The following RHOBTB3 variants were observed in gnomAD, a reference collection of about 807,000 sequenced individuals.
The protein encoded by RHOBTB3 is rho-related BTB domain-containing protein 3.
A neutral mutation model predicts 67.2 loss-of-function variants in RHOBTB3; 47 were observed. The ratio of observed to expected loss-of-function variants is 0.70; its 90% CI spans 0.55 to 0.89. The LOEUF is 0.89. Among genes scored for constraint, RHOBTB3 ranks in the 40% least tolerant of loss-of-function variants. The pLI, the probability that RHOBTB3 is intolerant of heterozygous loss-of-function variation, is 0.00. For missense variants in RHOBTB3, 631 were observed against 750.0 expected, an observed-to-expected ratio of 0.84 and a Z score of 1.85; for synonymous variants, 273 against 274.2, an observed-to-expected ratio of 1.00 and a Z score of 0.04.
chr5:95,773,796 T>C (rs935455594), intron 8 of RHOBTB3, among the ~76,000 whole-genome samples: 1 of 152,166 alleles, frequency 6.6e-6, no homozygotes, highest in African/African-American at 2.4e-5. Flanking sequence ...CTGAATGAAA[T>C]GGAGCGTGTT....
chr5:95,728,787 A>G (rs1022058417), upstream of RHOBTB3, among the ~76,000 whole-genome samples: 3 of 152,196 alleles, frequency 2.0e-5, no homozygotes, highest in Non-Finnish European at 2.9e-5. Flanking sequence ...GGAGGTCAGC[A>G]CAGGATACAG....
intron 8 of RHOBTB3, chr5:95,769,889 C>T: frequency 3.0e-6 from 1 of 332,054 alleles, no homozygotes; most frequent in Non-Finnish European, 5.8e-6. Context: ...CTCTATGAAC[C>T]TTCCTTTTGA....
chr5:95,777,912 T>A (rs959498475), intron 8 of RHOBTB3, among the ~76,000 whole-genome samples: 10 of 151,312 alleles, frequency 6.6e-5, no homozygotes, highest in Non-Finnish European at 1.3e-4. Flanking sequence ...AAGCCAGGAG[T>A]TCAAGACCAG....
At chr5:95,730,926 G>A (rs577061170), upstream of RHOBTB3, 2 of 459,680 alleles carry the variant, frequency 4.4e-6, no homozygotes, top group African/African-American at 2.0e-5. Context: ...GGCCAAGAGG[G>A]GGGGAAATCG....
chr5:95,784,515 G>C, intron 10 of RHOBTB3, among the ~76,000 whole-genome samples: 1 of 152,116 alleles, frequency 6.6e-6, no homozygotes, highest in South Asian at 2.1e-4. Flanking sequence ...AATCACTGCC[G>C]TATGTGTACA....
At position 95,793,589 on chromosome 5, in the gene RHOBTB3, A is replaced by G. The variant is rs776035594; in HGVS notation, c.*415A>G. 2 of 169,666 alleles carry G rather than the reference A, an allele frequency of 1.2e-5. No homozygotes were observed. The allele number at this position is 169,666 out of a possible 1,614,324, so 10.5% of individuals were successfully genotyped here. On this transcript the variant is annotated 3_prime_UTR_variant, in exon 12 of 12. Coordinates refer to ENST00000379982, the MANE Select transcript of RHOBTB3 (RefSeq NM_014899.4). ...AAAGACCCAGCATAACCATTTGTAT[A>G]ATGAGAAATCTAGGGGAAAACCAAT...
chr5:95,753,939 G>A (rs912752246), intron 5 of RHOBTB3, among the ~76,000 whole-genome samples: 3 of 152,092 alleles, frequency 2.0e-5, no homozygotes, highest in African/African-American at 7.2e-5. Flanking sequence ...GTGAAACCCC[G>A]TTTCTACTAA....
At chr5:95,750,323 A>G (rs935832523) in intron 4 of RHOBTB3, among the ~76,000 whole-genome samples, 6 of 152,176 alleles carry the variant, frequency 3.9e-5, no homozygotes, top group Non-Finnish European at 7.3e-5. Context: ...ACAGGGCACA[A>G]GTCAGTGGAG....
At chr5:95,731,154 C>T (rs1755222015), upstream of RHOBTB3, 2 of 1,018,192 alleles carry the variant, frequency 2.0e-6, no homozygotes, top group African/African-American at 3.5e-5. Context: ...CCCGCGCGGG[C>T]GGCTCCTTTG....
chr5:95,777,942 C>T (rs1309542747), intron 8 of RHOBTB3, among the ~76,000 whole-genome samples: 2 of 152,042 alleles, frequency 1.3e-5, no homozygotes, highest in Non-Finnish European at 2.9e-5. Context: ...CACAGCAAAA[C>T]CCTGTCCCTA....
chr5:95,736,507 T>C (rs932417007), intron 2 of RHOBTB3, among the ~76,000 whole-genome samples: 1 of 152,220 alleles, frequency 6.6e-6, no homozygotes, highest in Non-Finnish European at 1.5e-5. Flanking sequence ...AGGAAAACCT[T>C]TGAAGCTTCG....
At chr5:95,758,478 G>A (rs1332925558) in intron 6 of RHOBTB3, among the ~76,000 whole-genome samples, 2 of 152,306 alleles carry the variant, frequency 1.3e-5, no homozygotes, top group Non-Finnish European at 2.9e-5. Flanking sequence ...TGATGAGGTG[G>A]GCAAGGCCTG....
rs753696650 is a variant in RHOBTB3, at chr5:95,731,922, G to T, written c.66G>T (p.Ser22=). Reference sequence around the variant, plus strand: ...CATTCCACCAGGACAACCGGCCGTCGGGGCTTATCCGCACTTACCTGGGGA... The same window carrying T: ...CATTCCACCAGGACAACCGGCCGTCTGGGCTTATCCGCACTTACCTGGGGA... ...GDTFHQDNRP[S]GLIRTYLGRS... is the part of the protein sequence containing the mutation. Residue 22 remains serine (S), a synonymous_variant, in exon 2 of 12, where the codon TCG becomes TCT. Transcript: ENST00000379982. 3 of 1,614,124 alleles carry T rather than the reference G, an allele frequency of 1.9e-6. No individual in the cohort carries two copies. The South Asian group carries it at 3.3e-5, about 18-fold the overall frequency.
At chr5:95,723,044 T>C (rs1214727829) in intron 1 of RHOBTB3, among the ~76,000 whole-genome samples, 2 of 152,162 alleles carry the variant, frequency 1.3e-5, no homozygotes, top group Non-Finnish European at 2.9e-5. Flanking sequence ...CATAGACATT[T>C]TCTGAAAGAG....
chr5:95,734,384 C>A (rs1012016202), intron 2 of RHOBTB3, among the ~76,000 whole-genome samples: 4 of 151,996 alleles, frequency 2.6e-5, no homozygotes, highest in African/African-American at 9.7e-5. Context: ...AACTGATTTA[C>A]AAGGGGTGGG....
At chr5:95,786,378 A>G (rs1177026215) in intron 10 of RHOBTB3, among the ~76,000 whole-genome samples, 1 of 152,226 alleles carries the variant, frequency 6.6e-6, no homozygotes, top group Admixed American at 6.5e-5. Flanking sequence ...GTCAGGAAAC[A>G]TCATTCATAC....
chr5:95,732,973 T>C (rs1469580455), intron 2 of RHOBTB3, among the ~76,000 whole-genome samples: 1 of 152,268 alleles, frequency 6.6e-6, no homozygotes, highest in East Asian at 1.9e-4. Flanking sequence ...GTTTAGTGCC[T>C]GAAAAGATAC....
rs55706606 is a variant in RHOBTB3 at position 95,780,437 on chromosome 5, A to C, written c.1456+12A>C. 6.2e-7 allele frequency: 1 copy of C among 1,608,520 alleles called. No individual in the cohort carries two copies. Among genetic ancestry groups the C allele is most frequent in the Non-Finnish European group, 8.5e-7 (1 of 1,175,146 alleles). ...CTCCTGCTGCCCAGGTTAGCAATAC[A>C]AATGTTGATAGTATCTCAGAATTCT... On this transcript the variant is annotated intron_variant, in intron 9 of 11. Transcript: ENST00000379982.
At chr5:95,736,611 G>T in intron 2 of RHOBTB3, among the ~76,000 whole-genome samples, 1 of 152,082 alleles carries the variant, frequency 6.6e-6, no homozygotes, top group Non-Finnish European at 1.5e-5. Flanking sequence ...AAAACAAAGG[G>T]CTTATTTTTA....
Sources: gnomAD v4.1 joint callset for allele counts (sites outside exome capture counted in the v4.1 genomes callset) on GRCh38, gnomAD v4.1.1 for gene constraint, MANE v1.5 for transcripts, NCBI Gene and HGNC (gene_info 2026-07-23, HGNC 2026-07-21) for gene names.